PARN: variants seen among roughly 807,000 people sequenced by gnomAD.
The protein encoded by PARN is poly(A)-specific ribonuclease PARN.
A neutral mutation model predicts 102.8 loss-of-function variants in PARN; 71 were observed. That is an observed-to-expected ratio of 0.69 (90% CI 0.57 to 0.84). The LOEUF is 0.84. Among genes scored for constraint, PARN ranks in the 40% least tolerant of loss-of-function variants. PARN has a pLI of 0.00. For missense variants in PARN, 782 were observed against 760.9 expected (o/e 1.03, Z -0.33); for synonymous variants, 261 against 252.9 (o/e 1.03, Z -0.30).
At chr16:14,513,884 C>T (rs1392881791) in intron 21 of PARN, among the ~76,000 whole-genome samples, 1 of 152,182 alleles carries the variant, frequency 6.6e-6, no homozygotes, top group Non-Finnish European at 1.5e-5. Context: ...TAATTTCTGT[C>T]TCTCCCACTA....
intron 22 of PARN, among the ~76,000 whole-genome samples, chr16:14,455,157 A>C (rs1961623553): frequency 6.6e-6 from 1 of 152,264 alleles, no homozygotes; most frequent in South Asian, 2.1e-4. Context: ...TGTGAAAAAT[A>C]TTCCAAATGT....
At chr16:14,569,061 A>T (rs1968620749) in intron 18 of PARN, among the ~76,000 whole-genome samples, 1 of 150,578 alleles carries the variant, frequency 6.6e-6, no homozygotes, top group Non-Finnish European at 1.5e-5. Flanking sequence ...AAAATACAAA[A>T]ATTTGCCGGG....
chr16:14,508,168 A>C (rs1015634704), intron 21 of PARN, among the ~76,000 whole-genome samples: 3 of 147,534 alleles, frequency 2.0e-5, no homozygotes, highest in Admixed American at 2.0e-4. Flanking sequence ...GACAAATAAC[A>C]TAGGCAGGCA....
chr16:14,513,074 G>A (rs1965284416), intron 21 of PARN, among the ~76,000 whole-genome samples: 1 of 152,002 alleles, frequency 6.6e-6, no homozygotes, highest in Admixed American at 6.6e-5. Flanking sequence ...ACAGGTGCGT[G>A]CCACCACACC....
Position 14,627,178 on chromosome 16 carries a change from C to T in PARN, c.255G>A (p.Thr85=), listed in dbSNP as rs1349142176. 8.1e-6 allele frequency: 13 copies of T among 1,596,496 alleles called. No homozygotes were observed. The highest frequency in any genetic ancestry group is 1.0e-5 in the Non-Finnish European group (12 of 1,166,528). Residue 85 remains threonine, a synonymous_variant, in exon 5 of 24, where the codon ACG becomes ACA. Coordinates refer to ENST00000437198, the MANE Select transcript of PARN (RefSeq NM_002582.4). The stretch of plus-strand genomic sequence containing the variant: ...GGAAAACATAGAAGTTAAATGACTT[C>T]GTTATATACCTGGGATAAGATAAAA... The part of the protein sequence containing the change: ...KYDYTDSKYI[T]KSFNFYVFPK...
chr16:14,445,382 G>A (rs545770005), intron 23 of PARN, among the ~76,000 whole-genome samples: 7 of 152,176 alleles, frequency 4.6e-5, no homozygotes, highest in Non-Finnish European at 1.0e-4. Context: ...AATTAAAACA[G>A]TGCATTCATA....
intron 21 of PARN, among the ~76,000 whole-genome samples, chr16:14,505,886 A>G (rs1964869716): frequency 2.0e-5 from 3 of 152,208 alleles, no homozygotes; most frequent in Admixed American, 2.0e-4. Context: ...AAAATCATCA[A>G]TGGACATTAA....
chr16:14,540,476 T>C (rs1966796997), intron 21 of PARN, among the ~76,000 whole-genome samples: 1 of 152,226 alleles, frequency 6.6e-6, no homozygotes, highest in African/African-American at 2.4e-5. Flanking sequence ...ATATTGTATT[T>C]CAGATATAAT....
At position 14,500,866 on chromosome 16, in the gene PARN, T is replaced by TA. The variant is rs530818060; in HGVS notation, c.1481-18040dup. On this transcript the variant is annotated intron_variant, in intron 21 of 23. Transcript: ENST00000437198. Reference sequence around the variant, plus strand: ...CCCTATGTCAGCTTAGGGCAGCAGTTAGAGGCCTTTACCAACAGAAAAGAA... The same window carrying TA: ...CCCTATGTCAGCTTAGGGCAGCAGTTAAGAGGCCTTTACCAACAGAAAAGAA... Among the ~76,000 whole-genome samples, 239 of 152,204 alleles carry TA rather than the reference T, an allele frequency of 1.6e-3. 3 individuals are homozygous for TA. The South Asian group carries it at 0.023, about 15-fold the overall frequency.
At chr16:14,608,789 T>A (rs1464351830) in intron 8 of PARN, among the ~76,000 whole-genome samples, 3 of 152,202 alleles carry the variant, frequency 2.0e-5, no homozygotes, top group Non-Finnish European at 4.4e-5. Context: ...AAGGCCAAAT[T>A]AATTATGCCA....
At chr16:14,579,850 C>T (rs1426875410) in intron 18 of PARN, among the ~76,000 whole-genome samples, 1 of 151,964 alleles carries the variant, frequency 6.6e-6, no homozygotes, top group Non-Finnish European at 1.5e-5. Context: ...GTGGTACATG[C>T]CTGTAGTTCC....
At chr16:14,561,072 G>A (rs796535553) in intron 18 of PARN, among the ~76,000 whole-genome samples, 24 of 150,796 alleles carry the variant, frequency 1.6e-4, no homozygotes, top group Admixed American at 6.6e-4. Flanking sequence ...CAGGAGAATC[G>A]CTTGAACCCA....
chr16:14,584,486 T>C, intron 15 of PARN, 64 bp from the exon 16 acceptor site: 2 of 1,317,576 alleles, frequency 1.5e-6, no homozygotes, highest in Non-Finnish European at 2.2e-6. Context: ...TTAAAGAGAT[T>C]CACTGACCCC....
chr16:14,505,925 C>A lies in PARN; in HGVS notation c.1481-23098G>T, dbSNP rs373987981. Among the ~76,000 whole-genome samples, 36 of 152,282 alleles carry A rather than the reference C, an allele frequency of 2.4e-4. 1 individual carries two copies. In the South Asian group the frequency reaches 6.2e-3, roughly 26 times the overall value. On this transcript the variant is annotated intron_variant, in intron 21 of 23. Coordinates refer to ENST00000437198, the MANE Select transcript of PARN (RefSeq NM_002582.4). ...TGCTGGATGAAAGATTACTGAGGAA[C>A]AGGGTTTCACAGTCTCAAAGTATTA... is the stretch of plus-strand genomic sequence containing the variant.
intron 22 of PARN, among the ~76,000 whole-genome samples, chr16:14,465,815 C>T (rs1407443925): frequency 6.6e-6 from 1 of 152,122 alleles, no homozygotes; most frequent in Non-Finnish European, 1.5e-5. Flanking sequence ...CTTACCTATC[C>T]TATTTGTAAG....
rs570963313 is a variant in PARN at position 14,443,705 on chromosome 16, C to T, written c.1864+3183G>A. On this transcript the variant is annotated intron_variant, in intron 23 of 23. Transcript: ENST00000437198. ...AGCATCAGTTGTTCTGGGATTGCTA[C>T]AACATAGGATATTCCAGCGTCCTAA... 3.3e-5 allele frequency among the ~76,000 whole-genome samples: 5 copies of T among 152,312 alleles called. No homozygotes were observed. The South Asian group carries it at 1.0e-3, about 32-fold the overall frequency.
intron 22 of PARN, among the ~76,000 whole-genome samples, chr16:14,475,800 T>C (rs1280878686): frequency 6.6e-6 from 1 of 152,222 alleles, no homozygotes; most frequent in Non-Finnish European, 1.5e-5. Flanking sequence ...ATGCCTGAAT[T>C]TTTACATTTA....
At chr16:14,521,664 G>A (rs1351871752) in intron 21 of PARN, among the ~76,000 whole-genome samples, 1 of 152,042 alleles carries the variant, frequency 6.6e-6, no homozygotes, top group Non-Finnish European at 1.5e-5. Context: ...AGGGTGTAGT[G>A]GTACATGCCT....
intron 21 of PARN, among the ~76,000 whole-genome samples, chr16:14,546,983 C>T (rs1396352523): frequency 2.6e-5 from 4 of 151,898 alleles, no homozygotes; most frequent in Middle Eastern, 3.4e-3. Flanking sequence ...ATCCCAGCTA[C>T]TCAGGAGGCT....
Sources: allele counts gnomAD v4.1 joint callset (sites outside exome capture counted in the v4.1 genomes callset), GRCh38; gene constraint gnomAD v4.1.1; transcripts MANE v1.5; gene names NCBI Gene and HGNC (gene_info 2026-07-23, HGNC 2026-07-21).